Variants in PPP2R3A observed in about 807,000 individuals in gnomAD.
PPP2R3A encodes protein phosphatase 2 regulatory subunit B''alpha, also known as serine/threonine-protein phosphatase 2A regulatory subunit B'' subunit alpha.
A neutral mutation model predicts 106.9 loss-of-function variants in PPP2R3A; 80 were observed. The observed-to-expected ratio is 0.75, with a 90% confidence interval of 0.62 to 0.90. PPP2R3A has a LOEUF of 0.90. Ranked by LOEUF, PPP2R3A falls within the 40% of genes least tolerant of loss-of-function variation. The probability of loss-of-function intolerance (pLI) is 0.00; values close to 1 mark genes in which losing one functional copy is unlikely to be tolerated. For missense variants in PPP2R3A, 1,386 were observed against 1,350.4 expected, an observed-to-expected ratio of 1.03 and a Z score of -0.41; for synonymous variants, 483 against 468.3, an observed-to-expected ratio of 1.03 and a Z score of -0.41.
intron 13 of PPP2R3A, among the ~76,000 whole-genome samples, chr3:136,142,861 A>G (rs1938934034): frequency 6.6e-6 from 1 of 152,252 alleles, no homozygotes; most frequent in African/African-American, 2.4e-5. Flanking sequence ...ACAACACGTT[A>G]GGGCACCAAG....
At chr3:136,000,063 C>A (rs2107785813) in intron 1 of PPP2R3A, among the ~76,000 whole-genome samples, 1 of 152,154 alleles carries the variant, frequency 6.6e-6, no homozygotes, top group East Asian at 1.9e-4. Flanking sequence ...CCTCATAATA[C>A]CTCCTTGGCC....
At chr3:136,083,101 A>G (rs1220746129) in intron 8 of PPP2R3A, among the ~76,000 whole-genome samples, 6 of 151,906 alleles carry the variant, frequency 3.9e-5, no homozygotes, top group Non-Finnish European at 7.4e-5. Flanking sequence ...TGTAACCTCA[A>G]CCTCCTGGGC....
chr3:136,066,179 T>C (rs578020031), intron 5 of PPP2R3A, among the ~76,000 whole-genome samples: 1 of 152,276 alleles, frequency 6.6e-6, no homozygotes, highest in Non-Finnish European at 1.5e-5. Flanking sequence ...AAAGCCCAGG[T>C]AGTTTTACAG....
chr3:136,030,462 C>T (rs1269986474), intron 3 of PPP2R3A, among the ~76,000 whole-genome samples: 1 of 151,668 alleles, frequency 6.6e-6, no homozygotes, highest in Non-Finnish European at 1.5e-5. Context: ...CGAGTAAGTT[C>T]TTTAGTGGTG....
chr3:136,134,744 G>C (rs1938540876), intron 13 of PPP2R3A, among the ~76,000 whole-genome samples: 1 of 147,462 alleles, frequency 6.8e-6, no homozygotes, highest in African/African-American at 2.4e-5. Flanking sequence ...TAACAAATGG[G>C]AAAAAATTAT....
intron 13 of PPP2R3A, among the ~76,000 whole-genome samples, chr3:136,135,320 C>T (rs1157219828): frequency 6.6e-6 from 1 of 152,078 alleles, no homozygotes; most frequent in Non-Finnish European, 1.5e-5. Flanking sequence ...ACAACAGCCA[C>T]AGTCTATAGA....
chr3:135,989,910 TGTGTATA>T (rs1040777851), intron 1 of PPP2R3A, among the ~76,000 whole-genome samples: 1 of 152,184 alleles, frequency 6.6e-6, no homozygotes, highest in African/African-American at 2.4e-5. Context: ...TGACTGTTTA[TGTGTATA>T]TGTATATTTA....
chr3:136,055,279 A>T, intron 5 of PPP2R3A: 1 of 862,196 alleles, frequency 1.2e-6, no homozygotes, highest in South Asian at 1.3e-5. Context: ...TGGATCACAG[A>T]CCTGAGTCTG....
Position 136,104,115 on chromosome 3 carries a change from T to A in PPP2R3A, c.3222+739T>A, listed in dbSNP as rs554981204. ...TTTCTTCTGCATGTTCCATAACTGT[T>A]TGACCTAAATAGTAGTAAGAATATG... On this transcript the variant is annotated intron_variant, in intron 12 of 13. Transcript: ENST00000264977. 1.4e-3 allele frequency among the ~76,000 whole-genome samples: 216 copies of A among 152,322 alleles called. 2 individuals carry two copies. Among genetic ancestry groups the A allele is most frequent in the African/African-American group, 4.8e-3 (199 of 41,562 alleles).
intron 2 of PPP2R3A, among the ~76,000 whole-genome samples, chr3:136,014,799 A>C (rs111478639): frequency 1.3e-5 from 2 of 152,086 alleles, no homozygotes; most frequent in Non-Finnish European, 2.9e-5. Context: ...TTCTTTACCT[A>C]TTTGGATGCC....
intron 13 of PPP2R3A, among the ~76,000 whole-genome samples, chr3:136,139,836 C>G (rs181297227): frequency 5.7e-4 from 87 of 151,338 alleles, no homozygotes; most frequent in Admixed American, 1.3e-3. Flanking sequence ...AAAACCCTAT[C>G]TCTACTAAAA....
Position 136,046,718 on chromosome 3 carries a change from A to G in PPP2R3A, c.2367-2541A>G, listed in dbSNP as rs184859041. Among the ~76,000 whole-genome samples, 6 of 152,356 alleles carry G rather than the reference A, an allele frequency of 3.9e-5. No individual in the cohort carries two copies. The East Asian group carries it at 5.8e-4, about 15-fold the overall frequency. ...AACCCAGAGTGTGTTCTTACCTCCAAATGATCTCACTAGCTCCCCAGCAAT... is the reference window on the plus strand; with the variant it reads ...AACCCAGAGTGTGTTCTTACCTCCAGATGATCTCACTAGCTCCCCAGCAAT... On this transcript the variant is annotated intron_variant, in intron 4 of 13. Coordinates refer to ENST00000264977, the MANE Select transcript of PPP2R3A (RefSeq NM_002718.5).
chr3:136,015,905 C>G (rs1235967295), intron 2 of PPP2R3A, among the ~76,000 whole-genome samples: 1 of 151,808 alleles, frequency 6.6e-6, no homozygotes, highest in Non-Finnish European at 1.5e-5. Flanking sequence ...GCGGTATGAC[C>G]TTAGATTGTC....
In PPP2R3A at chr3:136,132,973, T is replaced by C. The variant is rs533571444; in HGVS notation, c.3330-12070T>C. Among the ~76,000 whole-genome samples, 159 of 152,086 alleles carry C rather than the reference T, an allele frequency of 1.0e-3. 1 individual carries two copies. Among genetic ancestry groups the C allele is most frequent in the Admixed American group, 2.6e-3 (40 of 15,262 alleles). On this transcript the variant is annotated intron_variant, in intron 13 of 13. Transcript: ENST00000264977. ...AAGATAGTCTTTTCAAAAATGATGC[T>C]AAAATAATTGGATATCCATGTGCCA...
At chr3:135,987,026 A>G (rs1230849724) in intron 1 of PPP2R3A, among the ~76,000 whole-genome samples, 2 of 152,130 alleles carry the variant, frequency 1.3e-5, no homozygotes, top group Admixed American at 6.6e-5. Flanking sequence ...CTTTTCGGTT[A>G]TCAGTGATGT....
At position 136,145,171 on chromosome 3, in the gene PPP2R3A, C is replaced by G; in HGVS notation, c.*5C>G. 1 of 1,604,012 alleles carries G rather than the reference C, an allele frequency of 6.2e-7. No individual in the cohort carries two copies. The highest frequency in any genetic ancestry group is 8.5e-7 in the Non-Finnish European group (1 of 1,177,074). ...CAATCAGTGGATGAAGAATAGCTGC[C>G]GGTGTCTACAATGAAACGAAGATGT... On this transcript the variant is annotated 3_prime_UTR_variant, in exon 14 of 14. Coordinates refer to ENST00000264977, the MANE Select transcript of PPP2R3A (RefSeq NM_002718.5).
intron 5 of PPP2R3A, chr3:136,055,760 T>A: frequency 3.1e-6 from 2 of 643,630 alleles, no homozygotes. Flanking sequence ...AATGTGGTGA[T>A]GAGAATTTTT....
intron 6 of PPP2R3A, among the ~76,000 whole-genome samples, chr3:136,072,944 C>T (rs186839343): frequency 6.6e-6 from 1 of 152,014 alleles, no homozygotes. Context: ...AGCAAGTAGT[C>T]CTTAGGAAGT....
At position 136,001,511 on chromosome 3, in the gene PPP2R3A, T is replaced by TA; in HGVS notation, c.14dup (p.Tyr5Ter). Reference sequence around the variant, plus strand: ...TGGATTTGATATTATGGCAGCAACTTACAGACTTGTGGTTAGTACTGTGAA... The same window carrying TA: ...TGGATTTGATATTATGGCAGCAACTTAACAGACTTGTGGTTAGTACTGTGAA... MAAT[Y>*]RLVVSTVNHY... is the part of the protein sequence containing the mutation. Residue 5 changes from tyrosine (Y) to a stop codon, truncating the protein, a stop_gained and frameshift_variant, in exon 2 of 14, where the codon TAC becomes TAAC. Transcript: ENST00000264977. LOFTEE classifies it high-confidence loss of function. 6.2e-7 allele frequency: 1 copy of TA among 1,611,898 alleles called. No individual in the cohort carries two copies. Among genetic ancestry groups the TA allele is most frequent in the Non-Finnish European group, 8.5e-7 (1 of 1,178,408 alleles).
Sources: allele counts gnomAD v4.1 joint callset (sites outside exome capture counted in the v4.1 genomes callset), GRCh38; gene constraint gnomAD v4.1.1; transcripts MANE v1.5; gene names NCBI Gene and HGNC (gene_info 2026-07-23, HGNC 2026-07-21).